The following TCP11X2 variants were observed in gnomAD, a reference collection of about 807,000 sequenced individuals.
The protein encoded by TCP11X2 is T-complex protein 11-like X-linked protein 2.
In TCP11X2, 1 loss-of-function variant was observed where a neutral mutation model predicts 16.0. The observed-to-expected ratio is 0.06, with a 90% confidence interval of 0.02 to 0.30. The LOEUF (loss-of-function observed/expected upper bound fraction) is 0.30. TCP11X2 is among the 10% of genes least tolerant of loss of function. TCP11X2 has a pLI of 1.00. For missense variants in TCP11X2, 13 were observed against 184.6 expected (o/e 0.07, Z 5.39); for synonymous variants, 2 against 72.2 (o/e 0.03, Z 4.93).
chrX:102,463,247 T>C (rs1934583677), exon 7 of TCP11X2: 1 of 1,166,300 alleles, frequency 8.6e-7, no homozygotes. Flanking sequence ...GAACACGCCA[T>C]GCTGCAGGAG....
chrX:102,471,791 TGGC>T (rs1934618736), exon 1 of TCP11X2: 1 of 29,649 alleles, frequency 3.4e-5, no homozygotes, highest in Non-Finnish European at 6.7e-5. Context: ...CGTCCTCGAC[TGGC>T]GGCCTCGCCT....
rs1934586442 is a variant in TCP11X2 at position 102,463,409 on chromosome X, T to TA, written c.710-65dup. 5.7e-6 allele frequency: 6 copies of TA among 1,058,968 alleles called. No individual in the cohort carries two copies. In the Admixed American group the frequency reaches 1.0e-4, roughly 18 times the overall value. The allele number at this position is 1,058,968 out of a possible 1,213,427, so 87.3% of individuals were successfully genotyped here. A position where few individuals can be genotyped will look rare whatever the true frequency, so the allele number is the denominator to read the frequency against. ...GCTTAAAGATGATGGCTCTGAGACA[T>TA]ACTCTTGGTCTATAAAGAAGTGATT... On this transcript the variant is annotated intron_variant, in intron 6 of 9. Coordinates refer to ENST00000642911, the Ensembl canonical transcript of TCP11X2.
intron 6 of TCP11X2, 39 bp downstream of exon 6, chrX:102,463,553 T>G (rs1171112299): frequency 8.7e-7 from 1 of 1,154,661 alleles, no homozygotes; most frequent in Non-Finnish European, 1.2e-6. Flanking sequence ...AGACCTGAGG[T>G]CAAATCTCCC....
At position 102,466,394 on chromosome X, in the gene TCP11X2, C is replaced by CAA. The variant is rs1160115988; in HGVS notation, c.231-827_231-826dup. 9.9e-3 allele frequency among the ~76,000 whole-genome samples: 38 copies of CAA among 3,835 alleles called. 5 individuals are homozygous for CAA. Among genetic ancestry groups the CAA allele is most frequent in the African/African-American group, 0.013 (30 of 2,253 alleles). The allele number at this position is 3,835 out of a possible 115,157, so 3.3% of individuals were successfully genotyped here. ...CTGGTGACAGAGCGAGACTCGGTCT[C>CAA]AAAAAAAAAAAAAAAAAAAAAAAAA... On this transcript the variant is annotated intron_variant, in intron 3 of 9. Transcript: ENST00000642911.
chrX:102,466,422 A>AAAAT (rs1158082257), intron 3 of TCP11X2, among the ~76,000 whole-genome samples: 16 of 12,317 alleles, frequency 1.3e-3, no homozygotes, highest in African/African-American at 2.5e-3. Context: ...AAAAAAAAAA[A>AAAAT]ATATATATAT....
intron 6 of TCP11X2, 60 bp downstream of exon 6, chrX:102,463,532 T>C: frequency 6.9e-6 from 8 of 1,164,617 alleles, no homozygotes; most frequent in Non-Finnish European, 9.2e-6. Context: ...CCTCTATTGC[T>C]ATAAGAAGGC....
intron 3 of TCP11X2, among the ~76,000 whole-genome samples, chrX:102,466,422 A>ATAT (rs1556397239): frequency 8.1e-5 from 1 of 12,335 alleles, no homozygotes; most frequent in African/African-American, 1.6e-4. Flanking sequence ...AAAAAAAAAA[A>ATAT]ATATATATAT....
chrX:102,466,422 A>AAAAAAAATCT (rs1158082257), intron 3 of TCP11X2, among the ~76,000 whole-genome samples: 1 of 12,329 alleles, frequency 8.1e-5, no homozygotes, highest in Admixed American at 2.2e-3. Flanking sequence ...AAAAAAAAAA[A>AAAAAAAATCT]ATATATATAT....
chrX:102,463,271 C>G (rs1407079024), exon 7 of TCP11X2: 1 of 1,165,978 alleles, frequency 8.6e-7, no homozygotes, highest in African/African-American at 1.8e-5. Context: ...CTAGGTGAGT[C>G]AGGAGAACTC....
rs1934576939 is a variant in TCP11X2 at position 102,462,833 on chromosome X, T to TA, written c.1112+11dup. 2.3e-6 allele frequency: 1 copy of TA among 442,606 alleles called. No homozygotes were observed. The highest frequency in any genetic ancestry group is 5.0e-5 in the Admixed American group (1 of 19,866). 36.5% of individuals were successfully genotyped at this position (442,606 alleles called of 1,213,427 possible). On this transcript the variant is annotated intron_variant, in intron 8 of 9. Coordinates refer to ENST00000642911, the Ensembl canonical transcript of TCP11X2. ...CACATTTCCCTCTCTAACAGAGATC[T>TA]ATGAATCTTACCTGGAGATAAATTC...
At chrX:102,466,422 A>AATATATATAT (rs1556397238) in intron 3 of TCP11X2, among the ~76,000 whole-genome samples, 1 of 12,329 alleles carries the variant, frequency 8.1e-5, no homozygotes, top group African/African-American at 1.6e-4. Context: ...AAAAAAAAAA[A>AATATATATAT]ATATATATAT....
At chrX:102,466,422 A>AAAAAAAAAC in intron 3 of TCP11X2, among the ~76,000 whole-genome samples, 1 of 12,329 alleles carries the variant, frequency 8.1e-5, no homozygotes, top group African/African-American at 1.6e-4. Context: ...AAAAAAAAAA[A>AAAAAAAAAC]ATATATATAT....
intron 3 of TCP11X2, among the ~76,000 whole-genome samples, chrX:102,467,434 CA>C (rs1348493028): frequency 0.029 from 2,944 of 103,068 alleles, 356 homozygotes; most frequent in African/African-American, 0.1. Flanking sequence ...GGAAAACTGT[CA>C]ATTATCTGTA....
In TCP11X2 at chrX:102,463,267, G is replaced by C; in HGVS notation, c.788C>G (p.Ser263Ter). 1 of 1,166,555 alleles carries C rather than the reference G, an allele frequency of 8.6e-7. No homozygotes were observed. Among genetic ancestry groups the C allele is most frequent in the South Asian group, 1.9e-5 (1 of 51,997 alleles). Residue 263 changes from serine (S) to a stop codon, truncating the protein, a stop_gained, in exon 7 of 10, where the codon TCA (serine) becomes TGA (stop). Transcript: ENST00000642911. LOFTEE classifies it high-confidence loss of function. ...CGCCATGCTGCAGGAGGAGCTAGGTGAGTCAGGAGAACTCGGACATAGTGT... is the reference window on the plus strand; with the variant it reads ...CGCCATGCTGCAGGAGGAGCTAGGTCAGTCAGGAGAACTCGGACATAGTGT...
intron 3 of TCP11X2, among the ~76,000 whole-genome samples, chrX:102,466,460 CAT>C (rs1449100193): frequency 5.2e-5 from 1 of 19,143 alleles, no homozygotes; most frequent in African/African-American, 1.1e-4. Flanking sequence ...CACACACACA[CAT>C]ATATACACAC....
chrX:102,466,394 C>CA (rs1160115988), intron 3 of TCP11X2, among the ~76,000 whole-genome samples: 103 of 3,844 alleles, frequency 0.027, 20 homozygotes, highest in African/African-American at 0.045. Context: ...GACTCGGTCT[C>CA]AAAAAAAAAA....
chrX:102,466,225 G>A (rs1197554019), intron 3 of TCP11X2, among the ~76,000 whole-genome samples: 1 of 4,319 alleles, frequency 2.3e-4, no homozygotes, highest in African/African-American at 3.3e-4. Flanking sequence ...GTGAAACCCC[G>A]TCTCTACTAA....
chrX:102,467,592 CCT>C (rs1201025954), intron 3 of TCP11X2, among the ~76,000 whole-genome samples: 2 of 55,896 alleles, frequency 3.6e-5, no homozygotes, highest in East Asian at 5.1e-4. Flanking sequence ...CTATCCACCC[CCT>C]GAGATCCCTA....
exon 7 of TCP11X2, chrX:102,463,244 C>T: frequency 8.6e-7 from 1 of 1,166,735 alleles, no homozygotes; most frequent in Non-Finnish European, 1.1e-6. Flanking sequence ...AGTGAACACG[C>T]CATGCTGCAG....
Sources: allele counts gnomAD v4.1 joint callset (sites outside exome capture counted in the v4.1 genomes callset), GRCh38; gene constraint gnomAD v4.1.1; transcripts MANE v1.5; gene names NCBI Gene and HGNC (gene_info 2026-07-23, HGNC 2026-07-21).